The following GABRB1 variants were observed in gnomAD, a reference collection of about 807,000 sequenced individuals.
The protein encoded by GABRB1 is gamma-aminobutyric acid type A receptor subunit beta1.
A neutral mutation model predicts 51.6 loss-of-function variants in GABRB1; 17 were observed. That is an observed-to-expected ratio of 0.33 (90% CI 0.23 to 0.49). The LOEUF (loss-of-function observed/expected upper bound fraction) is 0.49, where lower values mean the gene tolerates loss of function less well. Among genes scored for constraint, GABRB1 ranks in the 20% least tolerant of loss-of-function variants. GABRB1 has a pLI of 0.99. For synonymous variants in GABRB1, 247 were observed against 218.9 expected (o/e 1.13, Z -1.14); for missense variants, 410 against 600.6 (o/e 0.68, Z 3.32).
chr4:47,326,634 T>C (rs1725272271), intron 5 of GABRB1, among the ~76,000 whole-genome samples: 1 of 151,884 alleles, frequency 6.6e-6, no homozygotes, highest in Non-Finnish European at 1.5e-5. Context: ...ACTACAGTGC[T>C]CTTATAAAAG....
intron 5 of GABRB1, among the ~76,000 whole-genome samples, chr4:47,342,228 A>G (rs1170239761): frequency 6.6e-6 from 1 of 152,154 alleles, no homozygotes; most frequent in Non-Finnish European, 1.5e-5. Context: ...CTTTTTGCTT[A>G]AAATCTAGTT....
chr4:47,089,543 T>C (rs886873532), intron 3 of GABRB1, among the ~76,000 whole-genome samples: 3 of 152,334 alleles, frequency 2.0e-5, no homozygotes, highest in Non-Finnish European at 2.9e-5. Flanking sequence ...CTAGCATTTT[T>C]CTATCTATTC....
intron 4 of GABRB1, among the ~76,000 whole-genome samples, chr4:47,251,329 C>T (rs1221747997): frequency 3.9e-5 from 6 of 152,174 alleles, no homozygotes; most frequent in African/African-American, 1.4e-4. Context: ...TAGATACCAG[C>T]AACTGTTCCA....
At chr4:47,321,094 T>C (rs1365916097) in intron 5 of GABRB1, among the ~76,000 whole-genome samples, 1 of 152,220 alleles carries the variant, frequency 6.6e-6, no homozygotes, top group Non-Finnish European at 1.5e-5. Context: ...AGACCATTAA[T>C]TGTGAATACC....
chr4:47,064,432 C>T (rs965647454), intron 3 of GABRB1, among the ~76,000 whole-genome samples: 6 of 151,688 alleles, frequency 4.0e-5, no homozygotes, highest in African/African-American at 7.3e-5. Context: ...GTCAGGAGTT[C>T]GAGACCAGCC....
chr4:47,083,765 G>T (rs929839910), intron 3 of GABRB1, among the ~76,000 whole-genome samples: 3 of 152,040 alleles, frequency 2.0e-5, no homozygotes, highest in Non-Finnish European at 4.4e-5. Context: ...GTTAATGAAT[G>T]TTACCCCTAT....
At chr4:47,310,331 T>C (rs1437973684) in intron 4 of GABRB1, among the ~76,000 whole-genome samples, 1 of 152,198 alleles carries the variant, frequency 6.6e-6, no homozygotes, top group Non-Finnish European at 1.5e-5. Flanking sequence ...TATGACAGCA[T>C]GAATATGTAG....
At chr4:46,996,076 T>G (rs1723986264) in intron 1 of GABRB1, among the ~76,000 whole-genome samples, 1 of 151,954 alleles carries the variant, frequency 6.6e-6, no homozygotes. Context: ...TGAGGTTTTT[T>G]TTTTTTTTTT....
At chr4:47,037,794 C>A (rs563065438) in intron 3 of GABRB1, among the ~76,000 whole-genome samples, 13 of 152,178 alleles carry the variant, frequency 8.5e-5, no homozygotes, top group Non-Finnish European at 1.8e-4. Flanking sequence ...ACAATTCTTA[C>A]CCCTCCCCAC....
intron 4 of GABRB1, among the ~76,000 whole-genome samples, chr4:47,244,459 T>C (rs1721661036): frequency 6.6e-6 from 1 of 152,192 alleles, no homozygotes; most frequent in African/African-American, 2.4e-5. Context: ...GACAGAATGG[T>C]ACCAGCTCCT....
At chr4:47,200,597 G>A (rs1446434517) in intron 4 of GABRB1, among the ~76,000 whole-genome samples, 1 of 152,046 alleles carries the variant, frequency 6.6e-6, no homozygotes, top group Non-Finnish European at 1.5e-5. Flanking sequence ...TTATATTGTG[G>A]AAGTGACTGC....
chr4:47,336,217 A>G (rs952140650), intron 5 of GABRB1, among the ~76,000 whole-genome samples: 1 of 152,200 alleles, frequency 6.6e-6, no homozygotes, highest in Non-Finnish European at 1.5e-5. Context: ...ATCTGGAAAT[A>G]TAAATTTACA....
intron 4 of GABRB1, among the ~76,000 whole-genome samples, chr4:47,254,010 G>GTT (rs1722085657): frequency 6.6e-6 from 1 of 152,092 alleles, no homozygotes; most frequent in Admixed American, 6.6e-5. Flanking sequence ...AAAATAAAAA[G>GTT]ATTGTACTGA....
At chr4:47,299,335 A>G (rs986695998) in intron 4 of GABRB1, among the ~76,000 whole-genome samples, 1 of 152,142 alleles carries the variant, frequency 6.6e-6, no homozygotes, top group East Asian at 1.9e-4. Context: ...TTCGCAACCT[A>G]CTCATCTGAC....
chr4:47,007,720 A>ACCAGAGAATCTTT (rs1724449206), intron 1 of GABRB1, among the ~76,000 whole-genome samples: 1 of 152,016 alleles, frequency 6.6e-6, no homozygotes. Context: ...GCAATAGATA[A>ACCAGAGAATCTTT]CCAGAGAATC....
chr4:47,267,802 AAT>A (rs1722699393), intron 4 of GABRB1, among the ~76,000 whole-genome samples: 1 of 152,190 alleles, frequency 6.6e-6, no homozygotes, highest in Non-Finnish European at 1.5e-5. Context: ...TCTCAAAAAA[AAT>A]AAAAAGAGAG....
intron 5 of GABRB1, among the ~76,000 whole-genome samples, chr4:47,385,987 C>A (rs1727780874): frequency 6.6e-6 from 1 of 152,214 alleles, no homozygotes; most frequent in Non-Finnish European, 1.5e-5. Context: ...CCTCTCCAGG[C>A]ATGCCACCCT....
intron 3 of GABRB1, among the ~76,000 whole-genome samples, chr4:47,063,897 C>T (rs1250310482): frequency 6.6e-6 from 1 of 151,884 alleles, no homozygotes; most frequent in African/African-American, 2.4e-5. Flanking sequence ...GAGGGCAGGG[C>T]TGGGGGAGAG....
intron 1 of GABRB1, among the ~76,000 whole-genome samples, chr4:46,998,534 C>A (rs1724074638): frequency 6.6e-6 from 1 of 151,906 alleles, no homozygotes; most frequent in African/African-American, 2.4e-5. Context: ...GAGATGGAGA[C>A]CACCCTGGCT....
Sources: gnomAD v4.1 joint callset for allele counts (sites outside exome capture counted in the v4.1 genomes callset) on GRCh38, gnomAD v4.1.1 for gene constraint, MANE v1.5 for transcripts, NCBI Gene and HGNC (gene_info 2026-07-23, HGNC 2026-07-21) for gene names.